PLCH1: variants seen among roughly 807,000 people sequenced by gnomAD.
The protein encoded by PLCH1 is phospholipase C eta 1.
PLCH1 carries 60 observed loss-of-function variants against 126.7 expected under a neutral mutation model. That is an observed-to-expected ratio of 0.47 (90% CI 0.38 to 0.59). The LOEUF is 0.59. PLCH1 is among the 20% of genes least tolerant of loss of function. The pLI, the probability that PLCH1 is intolerant of heterozygous loss-of-function variation, is 0.00. For missense variants in PLCH1, 1,723 were observed against 2,040.0 expected (o/e 0.84, Z 2.99); for synonymous variants, 719 against 734.9 (o/e 0.98, Z 0.35).
At chr3:155,690,541 CAG>C (rs1235289325) in intron 2 of PLCH1, among the ~76,000 whole-genome samples, 1 of 152,116 alleles carries the variant, frequency 6.6e-6, no homozygotes, top group African/African-American at 2.4e-5. Flanking sequence ...GTTTTAGACA[CAG>C]AGATTCAAAT....
chr3:155,593,455 G>A (rs559060755), intron 4 of PLCH1, among the ~76,000 whole-genome samples: 1 of 152,196 alleles, frequency 6.6e-6, no homozygotes, highest in East Asian at 1.9e-4. Context: ...TTTCCAAACT[G>A]TAAGTTAGAA....
intron 2 of PLCH1, among the ~76,000 whole-genome samples, chr3:155,678,553 A>C (rs1280421317): frequency 6.6e-6 from 1 of 152,140 alleles, no homozygotes; most frequent in African/African-American, 2.4e-5. Context: ...AAACTTATAA[A>C]CACCTATCCT....
At chr3:155,607,574 G>A (rs1560238421) in intron 2 of PLCH1, among the ~76,000 whole-genome samples, 1 of 151,748 alleles carries the variant, frequency 6.6e-6, no homozygotes, top group Non-Finnish European at 1.5e-5. Flanking sequence ...TCTGAGTGCT[G>A]GGAGTAGAGG....
At chr3:155,536,612 A>G (rs1723390502) in intron 10 of PLCH1, among the ~76,000 whole-genome samples, 1 of 152,122 alleles carries the variant, frequency 6.6e-6, no homozygotes, top group Non-Finnish European at 1.5e-5. Flanking sequence ...AATTAACCCA[A>G]TCTGACAAAG....
At chr3:155,653,933 T>C (rs1216427257) in intron 2 of PLCH1, among the ~76,000 whole-genome samples, 2 of 151,942 alleles carry the variant, frequency 1.3e-5, no homozygotes, top group Non-Finnish European at 2.9e-5. Flanking sequence ...TGTCTGCATA[T>C]ATCTTTAAGG....
intron 12 of PLCH1, among the ~76,000 whole-genome samples, chr3:155,513,362 T>C (rs991794331): frequency 8.5e-5 from 13 of 152,232 alleles, no homozygotes; most frequent in Admixed American, 8.5e-4. Context: ...AAATTGTCAT[T>C]AGGATCTCTT....
At chr3:155,614,161 T>C (rs923765712) in intron 2 of PLCH1, among the ~76,000 whole-genome samples, 1 of 152,048 alleles carries the variant, frequency 6.6e-6, no homozygotes, top group African/African-American at 2.4e-5. Context: ...CACAAACAAA[T>C]GGAAACACAT....
intron 2 of PLCH1, among the ~76,000 whole-genome samples, chr3:155,675,021 C>T (rs988259122): frequency 1.3e-5 from 2 of 152,140 alleles, no homozygotes; most frequent in Non-Finnish European, 2.9e-5. Flanking sequence ...AAATCCTTCC[C>T]TATTTCTGTA....
intron 19 of PLCH1, among the ~76,000 whole-genome samples, chr3:155,489,387 A>T (rs1367219392): frequency 1.3e-5 from 2 of 152,156 alleles, no homozygotes; most frequent in Admixed American, 1.3e-4. Context: ...AAAAATATAT[A>T]TTACTGACTT....
chr3:155,566,162 TAC>T lies in PLCH1; in HGVS notation c.866-1046_866-1045del, dbSNP rs1560175661. 3.6e-3 allele frequency among the ~76,000 whole-genome samples: 416 copies of T among 114,136 alleles called. 7 individuals are homozygous for T. The highest frequency in any genetic ancestry group is 5.1e-3 in the Admixed American group (53 of 10,386). The allele number at this position is 114,136 out of a possible 152,430, so 74.9% of individuals were successfully genotyped here. A position where few individuals can be genotyped will look rare whatever the true frequency, so the allele number is the denominator to read the frequency against. ...ATATGTATATATACATATATACACA[TAC>T]ATATATACACATATATACACATATA... is the stretch of plus-strand genomic sequence containing the variant. On this transcript the variant is annotated intron_variant, in intron 7 of 22. Transcript: ENST00000460012.
intron 2 of PLCH1, among the ~76,000 whole-genome samples, chr3:155,659,396 C>T (rs1405545483): frequency 1.5e-5 from 2 of 136,562 alleles, no homozygotes; most frequent in Non-Finnish European, 3.1e-5. Flanking sequence ...GGCATGATCA[C>T]GGCTCACTGC....
At chr3:155,702,198 AT>A (rs1200300307) in intron 2 of PLCH1, among the ~76,000 whole-genome samples, 2 of 152,210 alleles carry the variant, frequency 1.3e-5, no homozygotes, top group Admixed American at 1.3e-4. Context: ...AGCCTCAAAA[AT>A]CATTGAGACC....
intron 13 of PLCH1, among the ~76,000 whole-genome samples, chr3:155,503,777 A>T (rs1718257835): frequency 6.6e-6 from 1 of 152,214 alleles, no homozygotes; most frequent in South Asian, 2.1e-4. Flanking sequence ...ACCTCAGGTG[A>T]TCCACCCACC....
chr3:155,560,587 T>C lies in PLCH1; in HGVS notation c.1069+4328A>G, dbSNP rs150742773. ...TAGTTTTTAATACCTGCCCATTTTT[T>C]AAGCATGTTGATTTACCTTAATAAC... On this transcript the variant is annotated intron_variant, in intron 8 of 22. Transcript: ENST00000460012. Among the ~76,000 whole-genome samples, 294 of 152,332 alleles carry C rather than the reference T, an allele frequency of 1.9e-3. 1 individual carries two copies. The highest frequency in any genetic ancestry group is 6.7e-3 in the African/African-American group (279 of 41,578).
At chr3:155,717,299 G>T (rs982446055) in intron 1 of PLCH1, among the ~76,000 whole-genome samples, 3 of 152,206 alleles carry the variant, frequency 2.0e-5, no homozygotes, top group Admixed American at 1.3e-4. Flanking sequence ...ACCATTCTGG[G>T]GTCTGGAAGA....
intron 2 of PLCH1, among the ~76,000 whole-genome samples, chr3:155,612,690 C>T (rs1235186442): frequency 1.3e-5 from 2 of 152,118 alleles, no homozygotes; most frequent in Middle Eastern, 3.4e-3. Context: ...GCAGGCAGAT[C>T]ACCTGAGGTT....
chr3:155,716,905 A>C (rs1364638196), intron 1 of PLCH1, among the ~76,000 whole-genome samples: 1 of 152,258 alleles, frequency 6.6e-6, no homozygotes, highest in Non-Finnish European at 1.5e-5. Flanking sequence ...TCCGAAGTCC[A>C]AGGTCTCATC....
rs1255793019 is a variant in PLCH1 at position 155,549,814 on chromosome 3, T to C, written c.1335A>G (p.Gln445=). The C allele has an allele frequency of 3.1e-6, 5 of 1,612,808 alleles. No individual in the cohort carries two copies. In the Admixed American group the frequency reaches 8.4e-5, roughly 27 times the overall value. The change falls in exon 10 of 23, where the codon CAA becomes CAG. Residue 445 remains glutamine (Q), a synonymous_variant. Transcript: ENST00000460012. ...TGECKQLPSP[Q]SLKGKILVKG... ...TCACTAGAATTTTGCCTTTCAAACTTTGAGGGCTTGGAAGCTGCTTGCACT... is the reference window on the plus strand; with the variant it reads ...TCACTAGAATTTTGCCTTTCAAACTCTGAGGGCTTGGAAGCTGCTTGCACT...
chr3:155,608,618 C>G (rs1048938737), intron 2 of PLCH1, among the ~76,000 whole-genome samples: 1 of 152,130 alleles, frequency 6.6e-6, no homozygotes, highest in African/African-American at 2.4e-5. Context: ...CTCTGGAAAC[C>G]TGTATGCGCA....
Sources: allele counts gnomAD v4.1 joint callset (sites outside exome capture counted in the v4.1 genomes callset), GRCh38; gene constraint gnomAD v4.1.1; transcripts MANE v1.5; gene names NCBI Gene and HGNC (gene_info 2026-07-23, HGNC 2026-07-21).